The following PPP1R17 variants were observed in gnomAD, a reference collection of about 807,000 sequenced individuals.
PPP1R17 encodes protein phosphatase 1 regulatory subunit 17.
A neutral mutation model predicts 15.9 loss-of-function variants in PPP1R17; 12 were observed. That is an observed-to-expected ratio of 0.75 (90% CI 0.48 to 1.22). The LOEUF (loss-of-function observed/expected upper bound fraction) is 1.22. Among genes scored for constraint, PPP1R17 ranks in the 50% most tolerant of loss-of-function variants. The pLI is 0.00. For missense variants in PPP1R17, 211 were observed against 187.3 expected (o/e 1.13, Z -0.74); for synonymous variants, 63 against 64.5 (o/e 0.98, Z 0.11).
In PPP1R17 at chr7:31,695,479, A is replaced by G; in HGVS notation, c.93A>G (p.Ser31=). The change falls in exon 3 of 5, where the codon TCA becomes TCG. Residue 31 remains serine (S), a synonymous_variant. Transcript: ENST00000342032. ...DPRCSHLDDL[S]DQFIKDCDLK... is the part of the protein sequence containing the mutation. ...TCCTGTCAAAATTAGATGATCTTTCAGACCAGTTCATTAAGGACTGTGATC... is the reference window on the plus strand; with the variant it reads ...TCCTGTCAAAATTAGATGATCTTTCGGACCAGTTCATTAAGGACTGTGATC... 1 of 1,603,740 alleles carries G rather than the reference A, an allele frequency of 6.2e-7. No homozygotes were observed. Among genetic ancestry groups the G allele is most frequent in the Non-Finnish European group, 8.5e-7 (1 of 1,176,906 alleles).
chr7:31,701,348 A>G (rs1322312433), intron 4 of PPP1R17, among the ~76,000 whole-genome samples: 1 of 152,224 alleles, frequency 6.6e-6, no homozygotes, highest in African/African-American at 2.4e-5. Context: ...AATTAGAATT[A>G]GAAGTGGGGC....
At chr7:31,697,145 A>AG in intron 4 of PPP1R17, 28 bp downstream of exon 4, 1 of 1,611,856 alleles carries the variant, frequency 6.2e-7, no homozygotes. Flanking sequence ...GGGCATTTGC[A>AG]GGGGGTGATG....
chr7:31,692,139 GTC>G (rs1358001549), intron 1 of PPP1R17, among the ~76,000 whole-genome samples: 1 of 152,152 alleles, frequency 6.6e-6, no homozygotes, highest in Non-Finnish European at 1.5e-5. Context: ...CTCTCAATGT[GTC>G]TCTGAGAGAG....
chr7:31,695,792 A>T (rs1463765636), intron 3 of PPP1R17, among the ~76,000 whole-genome samples, 171 bp downstream of exon 3: 1 of 151,682 alleles, frequency 6.6e-6, no homozygotes, highest in Non-Finnish European at 1.5e-5. Context: ...TAACAGATAC[A>T]TTCTAAAATA....
intron 4 of PPP1R17, among the ~76,000 whole-genome samples, chr7:31,702,325 G>A (rs1417427179): frequency 1.3e-5 from 2 of 152,150 alleles, no homozygotes; most frequent in Admixed American, 6.5e-5. Flanking sequence ...GCTAGATAGG[G>A]TGGTGCAGAG....
chr7:31,690,376 G>A (rs1449655757), intron 1 of PPP1R17, among the ~76,000 whole-genome samples: 4 of 152,186 alleles, frequency 2.6e-5, no homozygotes, highest in Non-Finnish European at 5.9e-5. Flanking sequence ...TACAGATGAG[G>A]AAACTCAGGG....
At chr7:31,692,068 T>C (rs929786269) in intron 1 of PPP1R17, among the ~76,000 whole-genome samples, 27 of 152,198 alleles carry the variant, frequency 1.8e-4, no homozygotes, top group African/African-American at 6.5e-4. Context: ...TTAAGCATGA[T>C]TTTCTGTGAC....
chr7:31,691,715 C>T (rs1392123134), intron 1 of PPP1R17, among the ~76,000 whole-genome samples: 1 of 148,218 alleles, frequency 6.7e-6, no homozygotes. Flanking sequence ...CAGATTTTCT[C>T]CTACCATGTT....
chr7:31,691,295 C>G (rs1485735732), intron 1 of PPP1R17, among the ~76,000 whole-genome samples: 3 of 152,188 alleles, frequency 2.0e-5, no homozygotes, highest in Non-Finnish European at 4.4e-5. Flanking sequence ...GAGTTGAACT[C>G]ATTTTATGAG....
intron 1 of PPP1R17, among the ~76,000 whole-genome samples, chr7:31,691,713 C>T (rs2128238424): frequency 6.8e-6 from 1 of 148,032 alleles, no homozygotes; most frequent in Non-Finnish European, 1.5e-5. Flanking sequence ...CCCAGATTTT[C>T]TCCTACCATG....
intron 4 of PPP1R17, among the ~76,000 whole-genome samples, chr7:31,698,480 TCA>T (rs1324439091): frequency 6.6e-6 from 1 of 152,150 alleles, no homozygotes; most frequent in Non-Finnish European, 1.5e-5. Flanking sequence ...TCAGTTTCTT[TCA>T]CACACACACA....
chr7:31,694,384 T>TCAAACACACA (rs1792483564), intron 2 of PPP1R17, among the ~76,000 whole-genome samples: 1 of 98,416 alleles, frequency 1.0e-5, no homozygotes. Context: ...TCTCTCTCTC[T>TCAAACACACA]CAAACACACA....
At chr7:31,689,954 G>C (rs1317245552) in intron 1 of PPP1R17, among the ~76,000 whole-genome samples, 5 of 152,210 alleles carry the variant, frequency 3.3e-5, no homozygotes, top group Non-Finnish European at 7.3e-5. Flanking sequence ...ATTTGAAATA[G>C]TGTTGTTTCT....
chr7:31,696,863 T>C (rs1160287298), intron 3 of PPP1R17, 102 bp from the exon 4 acceptor site: 1 of 1,328,876 alleles, frequency 7.5e-7, no homozygotes, highest in Non-Finnish European at 1.0e-6. Context: ...TGGAAAGCTA[T>C]ATTGACTGTC....
chr7:31,703,275 T>G (rs980402417), intron 4 of PPP1R17, among the ~76,000 whole-genome samples: 2 of 152,194 alleles, frequency 1.3e-5, no homozygotes, highest in Admixed American at 1.3e-4. Flanking sequence ...GCCACAGCAT[T>G]TTACTTCTCT....
At chr7:31,693,995 C>G (rs1032220694) in intron 2 of PPP1R17, among the ~76,000 whole-genome samples, 10 of 152,160 alleles carry the variant, frequency 6.6e-5, no homozygotes, top group African/African-American at 2.4e-4. Flanking sequence ...TCTTTGAATC[C>G]TAACGGAATA....
intron 4 of PPP1R17, among the ~76,000 whole-genome samples, chr7:31,701,942 G>C (rs1312000642): frequency 6.6e-6 from 1 of 152,206 alleles, no homozygotes; most frequent in Non-Finnish European, 1.5e-5. Context: ...GTATGGCTCT[G>C]TTTATTGTGA....
At position 31,697,095 on chromosome 7, in the gene PPP1R17, G is replaced by A; in HGVS notation, c.366G>A (p.Leu122=). The A allele has an allele frequency of 1.2e-6, 2 of 1,613,974 alleles. No homozygotes were observed. The highest frequency in any genetic ancestry group is 1.3e-5 in the African/African-American group (1 of 75,024). The change falls in exon 4 of 5, where the codon CTG becomes CTA. Residue 122 remains leucine, a synonymous_variant. Transcript: ENST00000342032. ...CAAGGAGAAAAGACACACCTGCCCT[G>A]CACATGTCCCCCTTTGCAGCAGGTA... is the stretch of plus-strand genomic sequence containing the variant. ...KKPRRKDTPA[L]HMSPFAAGVT...
Position 31,694,918 on chromosome 7 carries a change from G to A in PPP1R17, c.83-551G>A, listed in dbSNP as rs539247148. ...ATCTTGAGTTAGGATGGGCAAATAG[G>A]AGGGTTACAAAGCCAGGAACGGTGA... On this transcript the variant is annotated intron_variant, in intron 2 of 4. Transcript: ENST00000342032. Among the ~76,000 whole-genome samples, 25 of 152,262 alleles carry A rather than the reference G, an allele frequency of 1.6e-4. No homozygotes were observed. The South Asian group carries it at 5.0e-3, about 30-fold the overall frequency.
Sources: gnomAD v4.1 joint callset for allele counts (sites outside exome capture counted in the v4.1 genomes callset) on GRCh38, gnomAD v4.1.1 for gene constraint, MANE v1.5 for transcripts, NCBI Gene and HGNC (gene_info 2026-07-23, HGNC 2026-07-21) for gene names.